The following PCDHGB5 variants were observed in gnomAD, a reference collection of about 807,000 sequenced individuals.
PCDHGB5 encodes the protein protocadherin gamma-B5.
PCDHGB5 carries 48 observed loss-of-function variants against 62.9 expected under a neutral mutation model. The ratio of observed to expected loss-of-function variants is 0.76; its 90% CI spans 0.61 to 0.97. The LOEUF (loss-of-function observed/expected upper bound fraction) is 0.97. PCDHGB5 is among the 50% of genes least tolerant of loss of function. The probability of loss-of-function intolerance (pLI) is 0.00; values close to 1 mark genes in which losing one functional copy is unlikely to be tolerated. For missense variants in PCDHGB5, 1,118 were observed against 1,198.6 expected, an observed-to-expected ratio of 0.93 and a Z score of 0.99; for synonymous variants, 474 against 511.2, an observed-to-expected ratio of 0.93 and a Z score of 0.98.
intron 1 of PCDHGB5, among the ~76,000 whole-genome samples, chr5:141,405,721 A>G (rs1295046106): frequency 1.3e-5 from 2 of 151,702 alleles, no homozygotes; most frequent in African/African-American, 4.8e-5. Context: ...CAAGTGATCC[A>G]CCCACCTCAG....
Position 141,511,656 on chromosome 5 carries a change from C to T in PCDHGB5, c.*483C>T, listed in dbSNP as rs2099883892. On this transcript the variant is annotated 3_prime_UTR_variant, in exon 4 of 4. Transcript: ENST00000617380. ...GGGCATCATGACCTCTTGGCCTCTC[C>T]TTTGATTCTCAATCTTCCCCCAAAG... is the stretch of plus-strand genomic sequence containing the variant. 4.9e-6 allele frequency: 1 copy of T among 206,024 alleles called. No individual in the cohort carries two copies. The highest frequency in any genetic ancestry group is 5.2e-5 in the Admixed American group (1 of 19,114). 12.8% of individuals were successfully genotyped at this position (206,024 alleles called of 1,614,324 possible).
chr5:141,398,187 C>G lies in PCDHGB5; in HGVS notation c.60C>G (p.Phe20Leu), dbSNP rs1329117309. Residue 20 changes from phenylalanine to leucine, a missense_variant, in exon 1 of 4, where the codon TTC (phenylalanine) becomes TTG (leucine). Physicochemically the swap from Phe to Leu is conservative, Grantham distance 22 (BLOSUM62 0). Coordinates refer to ENST00000617380, the MANE Select transcript of PCDHGB5 (RefSeq NM_018925.3). Reference sequence around the variant, plus strand: ...AGAGGCTGCCAGTGCTCTTTCTCTTCCTGCTGTCTTTGTTCTGCCCGGCGC... The same window carrying G: ...AGAGGCTGCCAGTGCTCTTTCTCTTGCTGCTGTCTTTGTTCTGCCCGGCGC... ...RAERLPVLFL[F>L]LLSLFCPALC... 5.8e-5 allele frequency: 86 copies of G among 1,481,250 alleles called. No individual in the cohort carries two copies. Among genetic ancestry groups the G allele is most frequent in the Non-Finnish European group, 7.6e-5 (84 of 1,110,134 alleles). The allele number at this position is 1,481,250 out of a possible 1,614,324, so 91.8% of individuals were successfully genotyped here.
Position 141,423,666 on chromosome 5 carries a change from AT to A in PCDHGB5, c.2397+23145del, listed in dbSNP as rs1184681047. 2.7e-6 allele frequency: 4 copies of A among 1,494,382 alleles called. No individual in the cohort carries two copies. The South Asian group carries it at 5.0e-5, about 19-fold the overall frequency. The allele number at this position is 1,494,382 out of a possible 1,614,324, so 92.6% of individuals were successfully genotyped here. A position where few individuals can be genotyped will look rare whatever the true frequency, so the allele number is the denominator to read the frequency against. ...GTGACCCGACAAGTAATCAGGTGAGATTTATTTCTCTGCCTCCTAATTGTTG... is the reference window on the plus strand; with the variant it reads ...GTGACCCGACAAGTAATCAGGTGAGATTATTTCTCTGCCTCCTAATTGTTG... On this transcript the variant is annotated intron_variant, in intron 1 of 3. Coordinates refer to ENST00000617380, the MANE Select transcript of PCDHGB5 (RefSeq NM_018925.3).
Position 141,491,968 on chromosome 5 carries a change from G to GC in PCDHGB5, c.2398-2837dup. On this transcript the variant is annotated intron_variant, in intron 1 of 3. Coordinates refer to ENST00000617380, the MANE Select transcript of PCDHGB5 (RefSeq NM_018925.3). The surrounding 1 kb of genome is among the most constrained non-coding windows in gnomAD (Gnocchi z 6.9). ...ACCCCTACACTCAAAAAAGGCCGGG[G>GC]CCTCCTTCGAGCTTCCGGTGAATTT... 1.1e-6 allele frequency: 1 copy of GC among 923,644 alleles called. No homozygotes were observed. Among genetic ancestry groups the GC allele is most frequent in the Admixed American group, 3.6e-5 (1 of 27,548 alleles). 57.2% of individuals were successfully genotyped at this position (923,644 alleles called of 1,614,324 possible).
At chr5:141,470,548 A>G (rs2099232978) in intron 1 of PCDHGB5, among the ~76,000 whole-genome samples, 1 of 152,182 alleles carries the variant, frequency 6.6e-6, no homozygotes, top group Non-Finnish European at 1.5e-5. Context: ...ATATTTATTG[A>G]GAGTTTCCTC....
At chr5:141,446,718 C>G (rs1279970040) in intron 1 of PCDHGB5, among the ~76,000 whole-genome samples, 1 of 152,174 alleles carries the variant, frequency 6.6e-6, no homozygotes, top group Non-Finnish European at 1.5e-5. Flanking sequence ...CTGCCCGCCT[C>G]GGCCTCCCAA....
At chr5:141,429,396 T>A (rs2097212352) in intron 1 of PCDHGB5, among the ~76,000 whole-genome samples, 1 of 151,520 alleles carries the variant, frequency 6.6e-6, no homozygotes, top group African/African-American at 2.4e-5. Context: ...TTAAAAAAAA[T>A]TGAGATTAAG....
At chr5:141,403,276 C>G in intron 1 of PCDHGB5, 7 of 1,613,844 alleles carry the variant, frequency 4.3e-6, no homozygotes, top group Non-Finnish European at 5.1e-6. Context: ...ACTTTAAAGT[C>G]CTGGTTGAAG....
chr5:141,505,486 G>A lies in PCDHGB5; in HGVS notation c.2545+5G>A, dbSNP rs1291166546. The A allele has an allele frequency of 1.8e-5, 29 of 1,614,088 alleles. No homozygotes were observed. The highest frequency in any genetic ancestry group is 2.1e-5 in the Non-Finnish European group (25 of 1,180,018). On this transcript the variant is annotated splice_donor_5th_base_variant and intron_variant, in intron 3 of 3. Transcript: ENST00000617380. ...TGATCTTGGCGTCCGCCAGTGGTAA[G>A]TGGTGTCAGTGTGTGTATGGAAGAG...
chr5:141,475,903 G>C, intron 1 of PCDHGB5: 5 of 576,064 alleles, frequency 8.7e-6, no homozygotes, highest in Non-Finnish European at 1.5e-5. Context: ...TGCCGCTGTC[G>C]GCCAATGAAG....
chr5:141,460,909 G>GGTGT (rs548378036), intron 1 of PCDHGB5, among the ~76,000 whole-genome samples: 1 of 123,246 alleles, frequency 8.1e-6, no homozygotes, highest in African/African-American at 3.7e-5. Flanking sequence ...AATATTCCAT[G>GGTGT]GTGTATATAT....
chr5:141,492,503 A>G (rs1341352458), intron 1 of PCDHGB5, among the ~76,000 whole-genome samples: 1 of 151,188 alleles, frequency 6.6e-6, no homozygotes, highest in Non-Finnish European at 1.5e-5. Context: ...AGGACTCCGG[A>G]GCCTCCTCTC....
Position 141,405,333 on chromosome 5 carries a change from C to T in PCDHGB5, c.2397+4809C>T, listed in dbSNP as rs1253133454. 29 of 1,614,086 alleles carry T rather than the reference C, an allele frequency of 1.8e-5. No homozygotes were observed. Among genetic ancestry groups the T allele is most frequent in the Non-Finnish European group, 2.5e-5 (29 of 1,180,034 alleles). ...GAGAAAAATGAGCCTTTGTGCGTCT[C>T]TGTTGATTCCAAGTTTCCTATAGAA... On this transcript the variant is annotated intron_variant, in intron 1 of 3. Coordinates refer to ENST00000617380, the MANE Select transcript of PCDHGB5 (RefSeq NM_018925.3).
In PCDHGB5 at chr5:141,428,425, T is replaced by A. The variant is rs1193842204; in HGVS notation, c.2397+27901T>A. ...GGGTTGCTTTCACCCTGGTCTCTGT[T>A]CTAAGACTAGACCAGGGGTTTTTCC... On this transcript the variant is annotated intron_variant, in intron 1 of 3. Transcript: ENST00000617380. 4 of 436,598 alleles carry A rather than the reference T, an allele frequency of 9.2e-6. No homozygotes were observed. In the East Asian group the frequency reaches 1.9e-4, roughly 21 times the overall value. 27.0% of individuals were successfully genotyped at this position (436,598 alleles called of 1,614,324 possible). A position where few individuals can be genotyped will look rare whatever the true frequency, so the allele number is the denominator to read the frequency against.
At chr5:141,466,123 A>G (rs961197575) in intron 1 of PCDHGB5, among the ~76,000 whole-genome samples, 1 of 151,364 alleles carries the variant, frequency 6.6e-6, no homozygotes, top group African/African-American at 2.4e-5. Flanking sequence ...CTCCAGCTCA[A>G]AAAAAAAATC....
chr5:141,417,663 C>T (rs2096144136), intron 1 of PCDHGB5: 8 of 901,900 alleles, frequency 8.9e-6, no homozygotes, highest in Non-Finnish European at 1.3e-5. Flanking sequence ...CCTGGGATTC[C>T]CTGCGCAGCC....
intron 3 of PCDHGB5, among the ~76,000 whole-genome samples, chr5:141,506,444 C>CAA (rs1219684339): frequency 1.2e-3 from 116 of 94,976 alleles, no homozygotes; most frequent in African/African-American, 4.2e-3. Flanking sequence ...CGCTCTGTCT[C>CAA]AAAAAAAAAA....
At chr5:141,457,108 T>C (rs186630889) in intron 1 of PCDHGB5, among the ~76,000 whole-genome samples, 40 of 152,338 alleles carry the variant, frequency 2.6e-4, no homozygotes, top group African/African-American at 9.1e-4. Flanking sequence ...TTAAGCAAAA[T>C]ACGACAGCAA....
intron 2 of PCDHGB5, among the ~76,000 whole-genome samples, chr5:141,500,894 C>CAG (rs10656935): frequency 0.58 from 88,074 of 150,994 alleles, 27,125 homozygotes; most frequent in African/African-American, 0.78. Flanking sequence ...TTTTTTGAGA[C>CAG]AGTCTCGCTC....
Sources: allele counts gnomAD v4.1 joint callset (sites outside exome capture counted in the v4.1 genomes callset), GRCh38; gene constraint gnomAD v4.1.1; non-coding constraint Gnocchi (gnomAD v3.1); transcripts MANE v1.5; gene names NCBI Gene and HGNC (gene_info 2026-07-23, HGNC 2026-07-21).